PHKA1: variants seen among roughly 807,000 people sequenced by gnomAD.
PHKA1 encodes the protein phosphorylase kinase regulatory subunit alpha 1, also known as phosphorylase b kinase regulatory subunit alpha, skeletal muscle isoform.
A neutral mutation model predicts 110.2 loss-of-function variants in PHKA1; 60 were observed. The observed-to-expected ratio is 0.54, with a 90% CI of 0.44 to 0.68. PHKA1 has a LOEUF of 0.68. Among genes scored for constraint, PHKA1 ranks in the 30% least tolerant of loss-of-function variants. The pLI is 0.00. For synonymous variants in PHKA1, 316 were observed against 333.6 expected (o/e 0.95, Z 0.58); for missense variants, 801 against 942.5 (o/e 0.85, Z 1.97).
chrX:72,654,856 GGC>G (rs1556300461), intron 10 of PHKA1, among the ~76,000 whole-genome samples: 7 of 100,454 alleles, frequency 7.0e-5, no homozygotes, highest in African/African-American at 2.6e-4. Context: ...GGAGTGCAGT[GGC>G]GCAATCTCGG....
intron 9 of PHKA1, 75 bp from the exon 10 acceptor site, chrX:72,656,317 CG>C: frequency 9.4e-7 from 1 of 1,063,925 alleles, no homozygotes; most frequent in Non-Finnish European, 1.3e-6. Flanking sequence ...TATTATAATA[CG>C]GGTTTTCATT....
chrX:72,693,429 T>A (rs1556323924), intron 4 of PHKA1, among the ~76,000 whole-genome samples: 1 of 112,278 alleles, frequency 8.9e-6, no homozygotes, highest in Admixed American at 9.4e-5. Context: ...CAGAGCTTTG[T>A]GTCCTTACAG....
At chrX:72,684,681 C>G in intron 4 of PHKA1, 101 bp from the exon 5 acceptor site, 1 of 541,416 alleles carries the variant, frequency 1.8e-6, no homozygotes, top group Non-Finnish European at 3.2e-6. Context: ...CCAAGCAATC[C>G]TACTCCTGCC....
chrX:72,694,175 C>T (rs1569451736), intron 4 of PHKA1, among the ~76,000 whole-genome samples: 1 of 111,616 alleles, frequency 9.0e-6, no homozygotes, highest in Non-Finnish European at 1.9e-5. Context: ...GAAGATCTTG[C>T]ATACTACCAC....
At chrX:72,612,331 A>T (rs1433760168) in intron 21 of PHKA1, among the ~76,000 whole-genome samples, 1 of 111,531 alleles carries the variant, frequency 9.0e-6, no homozygotes, top group Non-Finnish European at 1.9e-5. Context: ...GAATGGAGGG[A>T]TTGGGGGTTG....
At chrX:72,593,893 G>A (rs1283460634) in intron 28 of PHKA1, among the ~76,000 whole-genome samples, 3 of 111,997 alleles carry the variant, frequency 2.7e-5, no homozygotes, top group Non-Finnish European at 5.6e-5. Flanking sequence ...CTTCTAGCTC[G>A]TCCATGGTTT....
intron 16 of PHKA1, among the ~76,000 whole-genome samples, chrX:72,628,596 A>ATT (rs57263040): frequency 1.0e-5 from 1 of 95,239 alleles, no homozygotes; most frequent in Admixed American, 1.2e-4. Context: ...ATATATATAT[A>ATT]TTTTTTTTTT....
In PHKA1 at chrX:72,581,059, CT is replaced by C. The variant is rs782437058; in HGVS notation, c.3614del (p.Lys1205ArgfsTer31). On this transcript the variant is annotated frameshift_variant, in exon 32 of 32. Coordinates refer to ENST00000373542, the MANE Select transcript of PHKA1 (RefSeq NM_002637.4). LOFTEE classifies it high-confidence loss of function. ...ACTCCTGCACGTAGGTGGCGGCTGC[CT>C]TGGAGAGGTAGGTCATGGTGCCAAA... ...GRFGTMTYLS[K>X]AAATYVQEFL... 10 of 1,210,642 alleles carry C rather than the reference CT, an allele frequency of 8.3e-6. No individual in the cohort carries two copies. The highest frequency in any genetic ancestry group is 1.1e-5 in the Non-Finnish European group (10 of 894,581).
At chrX:72,609,578 C>T in intron 23 of PHKA1, 46 bp downstream of exon 23, 1 of 916,564 alleles carries the variant, frequency 1.1e-6, no homozygotes, top group Non-Finnish European at 1.6e-6. Flanking sequence ...TCTAAGTCCA[C>T]ACCACTCCTT....
intron 21 of PHKA1, among the ~76,000 whole-genome samples, chrX:72,611,967 C>T (rs2052816971): frequency 9.0e-6 from 1 of 111,658 alleles, no homozygotes; most frequent in Admixed American, 9.5e-5. Flanking sequence ...CCAGCATTTC[C>T]ACTACTAGTT....
At chrX:72,620,536 T>A (rs1556275991) in intron 19 of PHKA1, among the ~76,000 whole-genome samples, 189 bp downstream of exon 19, 1 of 112,248 alleles carries the variant, frequency 8.9e-6, no homozygotes, top group Non-Finnish European at 1.9e-5. Flanking sequence ...ACCTGCAGCA[T>A]AACTATACAC....
intron 13 of PHKA1, among the ~76,000 whole-genome samples, chrX:72,646,089 C>T (rs1556297062): frequency 8.9e-6 from 1 of 112,249 alleles, no homozygotes; most frequent in African/African-American, 3.2e-5. Flanking sequence ...TTCAATATTG[C>T]TGTAGCATAA....
At chrX:72,608,346 G>A (rs1300283331) in intron 23 of PHKA1, among the ~76,000 whole-genome samples, 4 of 111,254 alleles carry the variant, frequency 3.6e-5, no homozygotes, top group Non-Finnish European at 7.5e-5. Context: ...CCTCTCCTCA[G>A]TGGAAGGAAG....
At chrX:72,670,462 A>C (rs1237972062) in intron 6 of PHKA1, among the ~76,000 whole-genome samples, 2 of 111,898 alleles carry the variant, frequency 1.8e-5, no homozygotes, top group Non-Finnish European at 3.8e-5. Flanking sequence ...CAACCAAAAA[A>C]AGTCCAGGAC....
intron 6 of PHKA1, among the ~76,000 whole-genome samples, chrX:72,668,265 C>T (rs1353881217): frequency 8.9e-6 from 1 of 111,800 alleles, no homozygotes; most frequent in Non-Finnish European, 1.9e-5. Context: ...TAATGACTGT[C>T]AAGCTAATAA....
At chrX:72,602,695 T>C (rs2052673886) in intron 26 of PHKA1, among the ~76,000 whole-genome samples, 1 of 111,891 alleles carries the variant, frequency 8.9e-6, no homozygotes, top group Non-Finnish European at 1.9e-5. Flanking sequence ...ACCACAAATG[T>C]AGGTGGACTA....
In PHKA1 at chrX:72,633,272, A is replaced by G. The variant is rs138184499; in HGVS notation, c.1714+1883T>C. Among the ~76,000 whole-genome samples the G allele has an allele frequency of 6.0e-3, 672 of 111,480 alleles. 5 individuals carry two copies. Among genetic ancestry groups the G allele is most frequent in the African/African-American group, 0.021 (655 of 30,651 alleles). ...ATTAAGTCATGAGTGTGCAGCCATCATGGATGGGATCGGGGCCCTTATAAA... is the reference window on the plus strand; with the variant it reads ...ATTAAGTCATGAGTGTGCAGCCATCGTGGATGGGATCGGGGCCCTTATAAA... On this transcript the variant is annotated intron_variant, in intron 16 of 31. Transcript: ENST00000373542.
At chrX:72,592,485 A>C (rs781886722) in intron 29 of PHKA1, among the ~76,000 whole-genome samples, 2 of 112,910 alleles carry the variant, frequency 1.8e-5, no homozygotes, top group South Asian at 7.3e-4. Flanking sequence ...TGTCACCACC[A>C]TAATAGTGTG....
intron 21 of PHKA1, among the ~76,000 whole-genome samples, chrX:72,611,472 T>C (rs1454787397): frequency 8.9e-6 from 1 of 112,167 alleles, no homozygotes; most frequent in Admixed American, 9.5e-5. Context: ...ATTTAACAAA[T>C]GAATTATTTC....
Sources: allele counts gnomAD v4.1 joint callset (sites outside exome capture counted in the v4.1 genomes callset), GRCh38; gene constraint gnomAD v4.1.1; transcripts MANE v1.5; gene names NCBI Gene and HGNC (gene_info 2026-07-23, HGNC 2026-07-21).